SNX29: variants seen among roughly 807,000 people sequenced by gnomAD.
SNX29 encodes the protein sorting nexin 29, also known as sorting nexin-29.
A neutral mutation model predicts 102.1 loss-of-function variants in SNX29; 78 were observed. That is an observed-to-expected ratio of 0.76 (90% CI 0.64 to 0.92). The LOEUF (loss-of-function observed/expected upper bound fraction) is 0.92, where lower values mean the gene tolerates loss of function less well. SNX29 is among the 40% of genes least tolerant of loss of function. The pLI, the probability that SNX29 is intolerant of heterozygous loss-of-function variation, is 0.00. For missense variants in SNX29, 1,280 were observed against 1,061.7 expected, an observed-to-expected ratio of 1.21 and a Z score of -2.86; for synonymous variants, 580 against 414.5, an observed-to-expected ratio of 1.40 and a Z score of -4.85.
intron 20 of SNX29, among the ~76,000 whole-genome samples, chr16:12,537,758 G>A (rs2077140452): frequency 6.6e-6 from 1 of 152,016 alleles, no homozygotes. Context: ...TATCCTATGT[G>A]GGGTTTGTTT....
At chr16:12,537,638 T>C (rs1461634967) in intron 20 of SNX29, among the ~76,000 whole-genome samples, 1 of 147,138 alleles carries the variant, frequency 6.8e-6, no homozygotes, top group Non-Finnish European at 1.5e-5. Flanking sequence ...GCAGCTTAGA[T>C]ATTATTACAG....
At chr16:12,321,488 C>G (rs1421087045) in intron 15 of SNX29, among the ~76,000 whole-genome samples, 1 of 152,206 alleles carries the variant, frequency 6.6e-6, no homozygotes, top group Non-Finnish European at 1.5e-5. Flanking sequence ...ATGACGTCAT[C>G]TGTCATAGCT....
intron 16 of SNX29, among the ~76,000 whole-genome samples, chr16:12,389,706 G>T (rs558511070): frequency 6.6e-6 from 1 of 152,302 alleles, no homozygotes; most frequent in Admixed American, 6.5e-5. Context: ...AGGGGTAATG[G>T]GTCAAAGTAG....
intron 11 of SNX29, among the ~76,000 whole-genome samples, chr16:12,118,621 A>G (rs903490828): frequency 6.6e-6 from 1 of 151,894 alleles, no homozygotes; most frequent in South Asian, 2.1e-4. Flanking sequence ...CGCCCTAGAG[A>G]CCACCTTTTG....
At chr16:12,107,137 C>T (rs2053287648) in intron 11 of SNX29, among the ~76,000 whole-genome samples, 1 of 152,198 alleles carries the variant, frequency 6.6e-6, no homozygotes, top group Non-Finnish European at 1.5e-5. Context: ...TTCCTATTAA[C>T]CTCACCTTGG....
At chr16:12,299,540 C>T (rs1384064778) in intron 15 of SNX29, among the ~76,000 whole-genome samples, 1 of 152,120 alleles carries the variant, frequency 6.6e-6, no homozygotes, top group Non-Finnish European at 1.5e-5. Context: ...CCTGTTCCTC[C>T]AGGGGGCCCT....
chr16:12,382,243 G>A (rs2083192021), intron 16 of SNX29, among the ~76,000 whole-genome samples: 1 of 152,146 alleles, frequency 6.6e-6, no homozygotes, highest in South Asian at 2.1e-4. Flanking sequence ...GTATTTCCCT[G>A]TTTTCTAACT....
rs553774258 is a variant in SNX29 at position 12,490,542 on chromosome 16, C to T, written c.2178+12683C>T. On this transcript the variant is annotated intron_variant, in intron 19 of 20. Coordinates refer to ENST00000566228, the MANE Select transcript of SNX29 (RefSeq NM_032167.5). ...ATACTTCTTCTGCTGGCTCTGAGCC[C>T]TGGTTTCTGTGGGATGAAATCCTTA... 2.0e-5 allele frequency among the ~76,000 whole-genome samples: 3 copies of T among 152,332 alleles called. No individual in the cohort carries two copies. The East Asian group carries it at 5.8e-4, about 29-fold the overall frequency.
chr16:12,467,998 G>A (rs890980530), intron 18 of SNX29, among the ~76,000 whole-genome samples: 5 of 151,848 alleles, frequency 3.3e-5, no homozygotes, highest in Non-Finnish European at 7.4e-5. Flanking sequence ...TAACATCCCG[G>A]ACCGGGCCCT....
chr16:12,455,677 C>T (rs2086506736), intron 18 of SNX29, among the ~76,000 whole-genome samples: 1 of 152,214 alleles, frequency 6.6e-6, no homozygotes, highest in African/African-American at 2.4e-5. Context: ...GTGCAGAAGG[C>T]TGGAGGAGGT....
intron 1 of SNX29, among the ~76,000 whole-genome samples, chr16:11,984,770 C>T (rs892607144): frequency 3.3e-5 from 5 of 152,158 alleles, no homozygotes; most frequent in Non-Finnish European, 7.4e-5. Context: ...GACCCTCCCA[C>T]CTCAGCCTCC....
intron 12 of SNX29, among the ~76,000 whole-genome samples, chr16:12,128,829 T>C (rs1567232217): frequency 6.6e-6 from 1 of 152,192 alleles, no homozygotes; most frequent in Non-Finnish European, 1.5e-5. Context: ...GGTTGGTAAT[T>C]GTTTTCCAGA....
At chr16:12,032,393 A>T (rs1390091760) in intron 4 of SNX29, among the ~76,000 whole-genome samples, 3 of 151,716 alleles carry the variant, frequency 2.0e-5, no homozygotes, top group Admixed American at 2.0e-4. Flanking sequence ...TTTTTAGTAG[A>T]TACGTGGTTT....
chr16:12,388,093 C>T (rs867722344), intron 16 of SNX29, among the ~76,000 whole-genome samples: 2 of 152,194 alleles, frequency 1.3e-5, no homozygotes, highest in African/African-American at 2.4e-5. Flanking sequence ...TCTTCCCTTT[C>T]GAGGCACCGC....
At position 12,052,215 on chromosome 16, in the gene SNX29, C is replaced by T. The variant is rs750146655; in HGVS notation, c.1117C>T (p.Pro373Ser). 39 of 1,613,704 alleles carry T rather than the reference C, an allele frequency of 2.4e-5. No homozygotes were observed. Among genetic ancestry groups the T allele is most frequent in the Admixed American group, 8.3e-5 (5 of 59,980 alleles). The change falls in exon 8 of 21, where the codon CCC becomes TCC. Residue 373 changes from proline to serine, a missense_variant. Coordinates refer to ENST00000566228, the MANE Select transcript of SNX29 (RefSeq NM_032167.5). The part of the protein sequence containing the change: ...GRKHRGHSES[P>S]EKPLEGNTCL... ...GAAGCACAGGGGCCACTCGGAGTCG[C>T]CCGAGAAGTAAGTTTGTGTGTAAGG...
chr16:12,369,261 G>A (rs2082596360), intron 16 of SNX29, among the ~76,000 whole-genome samples: 2 of 151,760 alleles, frequency 1.3e-5, no homozygotes, highest in South Asian at 4.2e-4. Flanking sequence ...TTAGCCTCCC[G>A]AGTAGCTGGG....
At chr16:12,390,247 C>G (rs1198309566) in intron 16 of SNX29, among the ~76,000 whole-genome samples, 1 of 151,964 alleles carries the variant, frequency 6.6e-6, no homozygotes, top group East Asian at 1.9e-4. Flanking sequence ...CATCTCTGCT[C>G]TGCAGCCAGA....
At chr16:12,200,248 T>A (rs1029460541) in intron 14 of SNX29, among the ~76,000 whole-genome samples, 7 of 152,076 alleles carry the variant, frequency 4.6e-5, no homozygotes, top group African/African-American at 1.7e-4. Flanking sequence ...TTATTATTAA[T>A]CAGAAATTCC....
rs182032914 is a variant in SNX29, at chr16:12,543,385, A to G, written c.2318+18544A>G. Among the ~76,000 whole-genome samples, 10 of 152,332 alleles carry G rather than the reference A, an allele frequency of 6.6e-5. 1 individual carries two copies. The East Asian group carries it at 1.9e-3, about 29-fold the overall frequency. On this transcript the variant is annotated intron_variant, in intron 20 of 20. Coordinates refer to ENST00000566228, the MANE Select transcript of SNX29 (RefSeq NM_032167.5). ...CTAAGCTCATGGACTGAACATGATTATCCAGAAGGAGGGGGCCCGATTCAC... is the reference window on the plus strand; with the variant it reads ...CTAAGCTCATGGACTGAACATGATTGTCCAGAAGGAGGGGGCCCGATTCAC...
Sources: allele counts gnomAD v4.1 joint callset (sites outside exome capture counted in the v4.1 genomes callset), GRCh38; gene constraint gnomAD v4.1.1; transcripts MANE v1.5; gene names NCBI Gene and HGNC (gene_info 2026-07-23, HGNC 2026-07-21).